Variants in ADAMTSL1 observed in about 807,000 individuals in gnomAD.
ADAMTSL1 encodes the protein ADAMTS like 1.
In ADAMTSL1, 126 loss-of-function variants were observed where a neutral mutation model predicts 201.8. That is an observed-to-expected ratio of 0.62 (90% CI 0.54 to 0.72). The LOEUF (loss-of-function observed/expected upper bound fraction) is 0.72. Ranked by LOEUF, ADAMTSL1 falls within the 30% of genes least tolerant of loss-of-function variation. ADAMTSL1 has a pLI of 0.00. For synonymous variants in ADAMTSL1, 1,121 were observed against 903.4 expected, an observed-to-expected ratio of 1.24 and a Z score of -4.32; for missense variants, 2,679 against 2,277.8, an observed-to-expected ratio of 1.18 and a Z score of -3.59.
At chr9:18,457,327 T>C (rs1377821508) in intron 2 of ADAMTSL1, among the ~76,000 whole-genome samples, 1 of 151,528 alleles carries the variant, frequency 6.6e-6, no homozygotes, top group Non-Finnish European at 1.5e-5. Flanking sequence ...AAGGAGGGAA[T>C]AATTTCTTTC....
chr9:18,701,073 G>T (rs965978084), intron 13 of ADAMTSL1, among the ~76,000 whole-genome samples: 1 of 152,124 alleles, frequency 6.6e-6, no homozygotes, highest in Non-Finnish European at 1.5e-5. Context: ...ATTTCTCTGG[G>T]CAGGAATCAT....
At chr9:18,781,795 A>G (rs1014175286) in intron 19 of ADAMTSL1, among the ~76,000 whole-genome samples, 14 of 152,214 alleles carry the variant, frequency 9.2e-5, no homozygotes, top group Admixed American at 3.3e-4. Flanking sequence ...TTGTTAAAGT[A>G]TCCTCCAAAT....
At chr9:18,790,013 G>A (rs1484974777) in intron 19 of ADAMTSL1, among the ~76,000 whole-genome samples, 2 of 152,094 alleles carry the variant, frequency 1.3e-5, no homozygotes, top group Admixed American at 1.3e-4. Context: ...GGTAGTAGAT[G>A]GGCATTTCTC....
At chr9:18,565,421 A>G (rs1180683816) in intron 3 of ADAMTSL1, among the ~76,000 whole-genome samples, 2 of 152,176 alleles carry the variant, frequency 1.3e-5, no homozygotes, top group Non-Finnish European at 2.9e-5. Context: ...TGAATATGTT[A>G]TTTTCCAAAA....
In ADAMTSL1 at chr9:18,268,495, A is replaced by G. The variant is rs78300044; in HGVS notation, c.207+104514A>G. Among the ~76,000 whole-genome samples the G allele has an allele frequency of 3.8e-3, 576 of 152,316 alleles. 6 individuals carry two copies. Among genetic ancestry groups the G allele is most frequent in the African/African-American group, 0.013 (533 of 41,580 alleles). On this transcript the variant is annotated intron_variant, in intron 2 of 29. Transcript: ENST00000680146. ...TTTAAAGATATTTAGGAGAAGAAGG[A>G]GCAGGGGACATTGAAAACTATGACA...
intron 15 of ADAMTSL1, among the ~76,000 whole-genome samples, chr9:18,746,411 G>T (rs527795411): frequency 6.6e-6 from 1 of 152,150 alleles, no homozygotes; most frequent in Non-Finnish European, 1.5e-5. Flanking sequence ...GGCATTCTAA[G>T]GGAAACAAAT....
At chr9:18,644,622 G>T (rs970404188) in intron 7 of ADAMTSL1, among the ~76,000 whole-genome samples, 2 of 151,262 alleles carry the variant, frequency 1.3e-5, no homozygotes, top group African/African-American at 4.9e-5. Context: ...CCATCTATGA[G>T]TGAGAACATG....
intron 2 of ADAMTSL1, among the ~76,000 whole-genome samples, chr9:18,329,552 G>A (rs1469597685): frequency 6.6e-6 from 1 of 152,144 alleles, no homozygotes; most frequent in African/African-American, 2.4e-5. Context: ...GATTTGTTAT[G>A]TTTTTCTCAT....
At chr9:18,354,579 G>A (rs181411363) in intron 2 of ADAMTSL1, among the ~76,000 whole-genome samples, 2 of 152,266 alleles carry the variant, frequency 1.3e-5, no homozygotes, top group East Asian at 3.9e-4. Context: ...AGAGGAATCT[G>A]GAAGGTGCAA....
At chr9:18,523,582 G>A (rs1406571138) in intron 2 of ADAMTSL1, among the ~76,000 whole-genome samples, 56 of 151,918 alleles carry the variant, frequency 3.7e-4, no homozygotes, top group East Asian at 1.5e-3. Flanking sequence ...TAGGTCTAAC[G>A]TTGAAGTCTT....
intron 3 of ADAMTSL1, among the ~76,000 whole-genome samples, chr9:18,548,097 T>C (rs888146447): frequency 1.3e-5 from 2 of 152,078 alleles, no homozygotes; most frequent in Admixed American, 1.3e-4. Context: ...TATTGATGGA[T>C]GCTTGCAATT....
intron 1 of ADAMTSL1, among the ~76,000 whole-genome samples, chr9:18,150,727 A>G (rs1826870833): frequency 6.6e-6 from 1 of 151,820 alleles, no homozygotes; most frequent in African/African-American, 2.4e-5. Context: ...GTAATAAATA[A>G]TGGAATGAGA....
At chr9:18,489,973 G>C (rs1237170694) in intron 1 of ADAMTSL1, among the ~76,000 whole-genome samples, 1 of 152,152 alleles carries the variant, frequency 6.6e-6, no homozygotes, top group Non-Finnish European at 1.5e-5. Context: ...AAATAAGTAC[G>C]TGTAAGTACT....
At chr9:18,557,627 A>G (rs893402544) in intron 3 of ADAMTSL1, among the ~76,000 whole-genome samples, 4 of 152,022 alleles carry the variant, frequency 2.6e-5, no homozygotes, top group African/African-American at 9.7e-5. Context: ...CCTGCAGACA[A>G]TATCAAGTGG....
chr9:18,743,227 C>G (rs1818943201), intron 15 of ADAMTSL1, among the ~76,000 whole-genome samples: 1 of 152,070 alleles, frequency 6.6e-6, no homozygotes, highest in Non-Finnish European at 1.5e-5. Flanking sequence ...AGTGGGATGT[C>G]ATAGAAAAGT....
At chr9:18,564,847 A>C (rs1036229444) in intron 3 of ADAMTSL1, among the ~76,000 whole-genome samples, 3 of 152,212 alleles carry the variant, frequency 2.0e-5, no homozygotes, top group Non-Finnish European at 4.4e-5. Context: ...AATAATAAAA[A>C]GCCTCAAGGA....
At chr9:18,600,880 C>G (rs1356177998) in intron 4 of ADAMTSL1, among the ~76,000 whole-genome samples, 1 of 151,980 alleles carries the variant, frequency 6.6e-6, no homozygotes, top group East Asian at 1.9e-4. Context: ...ATTCTTGGAA[C>G]TATACATCTC....
At chr9:18,067,550 T>C (rs1822763252) in intron 1 of ADAMTSL1, among the ~76,000 whole-genome samples, 1 of 152,216 alleles carries the variant, frequency 6.6e-6, no homozygotes, top group South Asian at 2.1e-4. Context: ...TACAAAACTT[T>C]CCTGATTTTG....
intron 1 of ADAMTSL1, among the ~76,000 whole-genome samples, chr9:18,496,017 A>G (rs1275393430): frequency 6.6e-6 from 1 of 152,254 alleles, no homozygotes; most frequent in African/African-American, 2.4e-5. Flanking sequence ...TCAAAATGAC[A>G]TTCTTAATAA....
Sources: allele counts gnomAD v4.1 joint callset (sites outside exome capture counted in the v4.1 genomes callset), GRCh38; gene constraint gnomAD v4.1.1; transcripts MANE v1.5; gene names NCBI Gene and HGNC (gene_info 2026-07-23, HGNC 2026-07-21).